The following LRRC34 variants were observed in gnomAD, a reference collection of about 807,000 sequenced individuals.
LRRC34 encodes the protein leucine-rich repeat-containing protein 34.
LRRC34 carries 44 observed loss-of-function variants against 48.5 expected under a neutral mutation model. The ratio of observed to expected loss-of-function variants is 0.91; its 90% CI spans 0.71 to 1.17. LRRC34 has a LOEUF of 1.17. Among genes scored for constraint, LRRC34 ranks in the 50% most tolerant of loss-of-function variants. The probability of loss-of-function intolerance (pLI) is 0.00; values close to 1 mark genes in which losing one functional copy is unlikely to be tolerated. For synonymous variants in LRRC34, 192 were observed against 197.6 expected (o/e 0.97, Z 0.24); for missense variants, 502 against 563.0 (o/e 0.89, Z 1.10).
chr3:169,808,801 A>G, intron 1 of LRRC34, 56 bp from the exon 2 acceptor site: 1 of 950,392 alleles, frequency 1.1e-6, no homozygotes, highest in Non-Finnish European at 1.6e-6. Context: ...GCTTTAAAAA[A>G]AACCATAAAA....
chr3:169,810,116 C>T (rs994394969), intron 1 of LRRC34, among the ~76,000 whole-genome samples: 2 of 151,882 alleles, frequency 1.3e-5, no homozygotes, highest in Non-Finnish European at 2.9e-5. Flanking sequence ...ACCACCACAC[C>T]CAGCTATAAA....
At chr3:169,794,416 C>A (rs1023393504) in intron 10 of LRRC34, 4 of 143,178 alleles carry the variant, frequency 2.8e-5, no homozygotes, top group African/African-American at 7.7e-5. Flanking sequence ...AATTTTTATA[C>A]TTTTTTTTTT....
At position 169,795,988 on chromosome 3, in the gene LRRC34, C is replaced by T. The variant is rs1278944448; in HGVS notation, c.1064+226G>A. 1.5e-5 allele frequency: 18 copies of T among 1,226,630 alleles called. No homozygotes were observed. The Admixed American group carries it at 2.4e-4, about 16-fold the overall frequency. The allele number at this position is 1,226,630 out of a possible 1,614,324, so 76.0% of individuals were successfully genotyped here. On this transcript the variant is annotated intron_variant, in intron 9 of 10. Coordinates refer to ENST00000446859, the MANE Select transcript of LRRC34 (RefSeq NM_001172779.2). ...TTCAGGATAAGTAATATAAGCAATG[C>T]AAATTTTCTCATTAATTTGAAGGAA...
At chr3:169,809,352 C>A in intron 1 of LRRC34, among the ~76,000 whole-genome samples, 1 of 152,066 alleles carries the variant, frequency 6.6e-6, no homozygotes, top group East Asian at 1.9e-4. Flanking sequence ...CTTGGATACC[C>A]TCTACACCAT....
Position 169,800,666 on chromosome 3 carries a change from C to T in LRRC34, c.746G>A (p.Ser249Asn), listed in dbSNP as rs1779154917. The change falls in exon 7 of 11, where the codon AGT becomes AAT. Residue 249 changes from serine to asparagine, a missense_variant. By Grantham distance (46) the Ser-to-Asn change is conservative. Transcript: ENST00000446859. ...AINLNRPILY[S>N]EQEESTVHVG... ...ATCACTTTGAATACATACCTGTTCA[C>T]TGTACAGTATAGGTCGGTTTAGGTT... is the stretch of plus-strand genomic sequence containing the variant. 6.5e-7 allele frequency: 1 copy of T among 1,527,004 alleles called. No homozygotes were observed. The highest frequency in any genetic ancestry group is 2.5e-5 in the East Asian group (1 of 40,712). The allele number at this position is 1,527,004 out of a possible 1,614,324, so 94.6% of individuals were successfully genotyped here.
Position 169,796,780 on chromosome 3 carries a change from A to C in LRRC34, c.873T>G (p.Tyr291Ter). The part of the protein sequence containing the change: ...SGIQQLCDAL[Y>*]LNSSLRYLDV... ...CAAGGTAGCGCAGGCTACTGTTCAG[A>C]TACAGTGCATCACATAACTGTTGTA... Residue 291 changes from tyrosine to a stop codon, truncating the protein, a stop_gained, in exon 8 of 11, where the codon TAT (tyrosine) becomes TAG (stop). Transcript: ENST00000446859. LOFTEE classifies it high-confidence loss of function. 3 of 1,610,794 alleles carry C rather than the reference A, an allele frequency of 1.9e-6. No individual in the cohort carries two copies. Among genetic ancestry groups the C allele is most frequent in the Non-Finnish European group, 2.5e-6 (3 of 1,179,058 alleles).
chr3:169,802,774 A>T (rs553491775), intron 6 of LRRC34, among the ~76,000 whole-genome samples: 190 of 152,158 alleles, frequency 1.2e-3, no homozygotes, highest in African/African-American at 4.4e-3. Context: ...GGAGTTTGAG[A>T]CCAGCCTAGC....
intron 1 of LRRC34, among the ~76,000 whole-genome samples, chr3:169,809,199 CTTTTTTTTT>C (rs35059929): frequency 8.8e-6 from 1 of 113,364 alleles, no homozygotes; most frequent in Non-Finnish European, 1.9e-5. Context: ...CTCAAGGTTT[CTTTTTTTTT>C]TTTTTTTTTT....
chr3:169,807,763 A>C lies in LRRC34; in HGVS notation c.258-54T>G, dbSNP rs570900895. 7.3e-4 allele frequency: 1,078 copies of C among 1,473,060 alleles called. 3 individuals are homozygous for C. The highest frequency in any genetic ancestry group is 1.5e-3 in the South Asian group (109 of 73,126). 91.2% of individuals were successfully genotyped at this position (1,473,060 alleles called of 1,614,324 possible). A position where few individuals can be genotyped will look rare whatever the true frequency, so the allele number is the denominator to read the frequency against. On this transcript the variant is annotated intron_variant, in intron 2 of 10. Transcript: ENST00000446859. ...AAAAAAGATTTTGAAATAGAAACCC[A>C]GTAAAGAAGTAAAAGTATGTTTCCT... is the stretch of plus-strand genomic sequence containing the variant.
intron 7 of LRRC34, 71 bp downstream of exon 7, chr3:169,800,588 A>G: frequency 1.1e-6 from 1 of 877,636 alleles, no homozygotes; most frequent in South Asian, 1.6e-5. Context: ...ATGTACCTTG[A>G]CATAAACTTG....
Position 169,812,339 on chromosome 3 carries a change from C to A in LRRC34, c.139+71G>T. On this transcript the variant is annotated intron_variant, in intron 1 of 10. Coordinates refer to ENST00000446859, the MANE Select transcript of LRRC34 (RefSeq NM_001172779.2). The surrounding 1 kb of genome is among the most constrained non-coding windows in gnomAD (Gnocchi z 4.3). The stretch of plus-strand genomic sequence containing the variant: ...TGGCGGGCTGCTGGGAGGACTCCTG[C>A]CGTGCGACCCCGGCGCCCCTCGCGC... 1.4e-6 allele frequency: 2 copies of A among 1,461,006 alleles called. No homozygotes were observed. The highest frequency in any genetic ancestry group is 1.8e-6 in the Non-Finnish European group (2 of 1,111,992). 90.5% of individuals were successfully genotyped at this position (1,461,006 alleles called of 1,614,324 possible). A position where few individuals can be genotyped will look rare whatever the true frequency, so the allele number is the denominator to read the frequency against.
intron 5 of LRRC34, 41 bp downstream of exon 5, chr3:169,806,807 T>C (rs772963555): frequency 3.1e-6 from 4 of 1,309,364 alleles, no homozygotes; most frequent in African/African-American, 1.5e-5. Context: ...GAAGTTAGAA[T>C]TTCCAAATAC....
chr3:169,802,173 T>C (rs1404767175), intron 6 of LRRC34, among the ~76,000 whole-genome samples: 1 of 152,212 alleles, frequency 6.6e-6, no homozygotes, highest in Non-Finnish European at 1.5e-5. Context: ...TATTTTAAAA[T>C]AAAACTTTGT....
rs1779160967 is a variant in LRRC34, at chr3:169,800,750, A to G, written c.662T>C (p.Met221Thr). The G allele has an allele frequency of 6.5e-7, 1 of 1,532,024 alleles. No individual in the cohort carries two copies. The highest frequency in any genetic ancestry group is 1.4e-5 in the African/African-American group (1 of 72,950). The allele number at this position is 1,532,024 out of a possible 1,614,324, so 94.9% of individuals were successfully genotyped here. The change falls in exon 7 of 11, where the codon ATG becomes ACG. Residue 221 changes from methionine to threonine, a missense_variant. Transcript: ENST00000446859. ...KLDLGDCDLG[M>T]QSVIAFATVL... ...TGTAGCAAATGCTATCACACTTTGCATTCCCTAAAAACAGGTAAATTCATT... is the reference window on the plus strand; with the variant it reads ...TGTAGCAAATGCTATCACACTTTGCGTTCCCTAAAAACAGGTAAATTCATT...
At chr3:169,803,981 C>T (rs749761010) in intron 6 of LRRC34, 72 bp downstream of exon 6, 1 of 1,382,624 alleles carries the variant, frequency 7.2e-7, no homozygotes, top group Non-Finnish European at 9.5e-7. Context: ...ATTAATCATT[C>T]ATAAGACTCT....
In LRRC34 at chr3:169,795,496, C is replaced by G; in HGVS notation, c.1180G>C (p.Ala394Pro). 1 of 1,611,568 alleles carries G rather than the reference C, an allele frequency of 6.2e-7. No individual in the cohort carries two copies. ...AACTTAAAACTTACTATACACGTAG[C>G]CTCATCAAATTTGTTTCCCCAAATG... ...IYIWGNKFDE[A>P]TCIAYSDLIQ... The change falls in exon 10 of 11, where the codon GCT becomes CCT. Residue 394 changes from alanine (A) to proline (P), a missense_variant. By Grantham distance (27) the Ala-to-Pro change is conservative. Transcript: ENST00000446859.
chr3:169,803,277 C>T (rs980830018), intron 6 of LRRC34, among the ~76,000 whole-genome samples: 1 of 152,092 alleles, frequency 6.6e-6, no homozygotes, highest in South Asian at 2.1e-4. Context: ...TTCACAGGCA[C>T]GGTTGTAGTG....
intron 5 of LRRC34, among the ~76,000 whole-genome samples, chr3:169,805,208 G>C (rs999296994): frequency 6.6e-6 from 1 of 152,052 alleles, no homozygotes; most frequent in Non-Finnish European, 1.5e-5. Flanking sequence ...TGGAAATGAA[G>C]TGAAACTCTG....
rs936904694 is a variant in LRRC34 at position 169,807,653 on chromosome 3, T to C, written c.314A>G (p.Glu105Gly). The change falls in exon 3 of 11, where the codon GAA (glutamate) becomes GGA (glycine). Residue 105 changes from glutamate to glycine, a missense_variant. Transcript: ENST00000446859. ...CCAAAAATCTTCACCTGTAACTCTT[T>C]CTACTGGCACTAAGCGATTGTTACC... ...IAGNNRLVPV[E>G]RVTGEDFWIL... is the part of the protein sequence containing the mutation. 15 of 1,611,480 alleles carry C rather than the reference T, an allele frequency of 9.3e-6. No individual in the cohort carries two copies. The highest frequency in any genetic ancestry group is 1.3e-5 in the Non-Finnish European group (15 of 1,179,320).
Sources: allele counts gnomAD v4.1 joint callset (sites outside exome capture counted in the v4.1 genomes callset), GRCh38; gene constraint gnomAD v4.1.1; non-coding constraint Gnocchi (gnomAD v3.1); transcripts MANE v1.5; gene names NCBI Gene and HGNC (gene_info 2026-07-23, HGNC 2026-07-21).